Variants in APOL3 observed in about 807,000 individuals in gnomAD.
APOL3 encodes TNF-inducible protein CG12-1.
A neutral mutation model predicts 11.6 loss-of-function variants in APOL3; 14 were observed. The ratio of observed to expected loss-of-function variants is 1.21; its 90% CI spans 0.80 to 1.89. The LOEUF (loss-of-function observed/expected upper bound fraction) is 1.89. APOL3 is among the 40% of genes most tolerant of loss of function. The pLI, the probability that APOL3 is intolerant of heterozygous loss-of-function variation, is 0.00. For missense variants in APOL3, 483 were observed against 492.1 expected (o/e 0.98, Z 0.17); for synonymous variants, 192 against 190.6 (o/e 1.01, Z -0.06).
upstream of APOL3, among the ~76,000 whole-genome samples, chr22:36,161,856 G>A (rs939353122): frequency 9.5e-6 from 1 of 104,784 alleles, no homozygotes; most frequent in Non-Finnish European, 2.1e-5. Flanking sequence ...ACGAGAAAAA[G>A]GTGGGGGGGT....
chr22:36,145,515 T>C (rs771649295), exon 2 of APOL3: 9 of 1,614,078 alleles, frequency 5.6e-6, no homozygotes, highest in Non-Finnish European at 2.5e-6. Context: ...CCAGGCTTCA[T>C]TGTTAGTCAG....
At chr22:36,162,248 C>T (rs1372882528), upstream of APOL3, among the ~76,000 whole-genome samples, 4 of 152,164 alleles carry the variant, frequency 2.6e-5, no homozygotes, top group Admixed American at 2.0e-4. Context: ...TAAGACCCCC[C>T]TAACTGATGA....
chr22:36,161,972 C>T (rs1603476086), upstream of APOL3, among the ~76,000 whole-genome samples: 1 of 152,114 alleles, frequency 6.6e-6, no homozygotes, highest in Non-Finnish European at 1.5e-5. Context: ...CTTCAAGGAG[C>T]CCAGCACCAG....
At chr22:36,157,374 C>T (rs1323627723) in intron 1 of APOL3, among the ~76,000 whole-genome samples, 1 of 152,158 alleles carries the variant, frequency 6.6e-6, no homozygotes, top group African/African-American at 2.4e-5. Flanking sequence ...TCTTGTTCTT[C>T]TTTGTCTGTA....
At chr22:36,148,917 G>T in intron 1 of APOL3, 129 bp downstream of exon 2, 2 of 912,490 alleles carry the variant, frequency 2.2e-6, no homozygotes, top group Non-Finnish European at 3.3e-6. Flanking sequence ...CTCTTTTGGG[G>T]CTCAGGGAAG....
chr22:36,158,006 C>A (rs190116375), intron 1 of APOL3, among the ~76,000 whole-genome samples: 2 of 151,964 alleles, frequency 1.3e-5, no homozygotes, highest in Non-Finnish European at 1.5e-5. Context: ...GCTGAGATTG[C>A]GCCACTGCAC....
At chr22:36,160,555 C>T (rs2013601826) in intron 1 of APOL3, 114 bp downstream of exon 1, 5 of 1,129,256 alleles carry the variant, frequency 4.4e-6, no homozygotes, top group South Asian at 2.8e-5. Flanking sequence ...GAGATGTGAC[C>T]TCAGTCAGTT....
chr22:36,158,547 C>T (rs909242032), intron 1 of APOL3, among the ~76,000 whole-genome samples: 6 of 152,150 alleles, frequency 3.9e-5, no homozygotes, highest in African/African-American at 7.2e-5. Context: ...GCGCCTGGCA[C>T]GGTGGCTCAT....
intron 1 of APOL3, 43 bp from the exon 3 acceptor site, chr22:36,145,642 A>G (rs1569529092): frequency 6.2e-7 from 1 of 1,608,246 alleles, no homozygotes; most frequent in Non-Finnish European, 8.5e-7. Context: ...AAAGTGTGCT[A>G]CAGCCTAAAT....
intron 1 of APOL3, among the ~76,000 whole-genome samples, chr22:36,156,400 T>A (rs1383582378): frequency 6.6e-6 from 1 of 151,960 alleles, no homozygotes; most frequent in East Asian, 1.9e-4. Context: ...AATACCTAGG[T>A]CTCCTGAGGA....
upstream of APOL3, chr22:36,160,985 T>A: frequency 8.6e-7 from 1 of 1,156,454 alleles, no homozygotes; most frequent in Non-Finnish European, 1.2e-6. Context: ...CTCCCATACT[T>A]AGGGTTGGGG....
upstream of APOL3, chr22:36,161,450 A>G: frequency 6.0e-6 from 1 of 165,656 alleles, no homozygotes; most frequent in South Asian, 1.5e-4. Flanking sequence ...AGCATGAGCC[A>G]CCGTTCCAGA....
At chr22:36,164,187 C>G (rs1272908680), upstream of APOL3, among the ~76,000 whole-genome samples, 1 of 152,196 alleles carries the variant, frequency 6.6e-6, no homozygotes, top group Non-Finnish European at 1.5e-5. Context: ...CATCAACGGA[C>G]TGCACAACAT....
At chr22:36,146,146 A>C (rs132631) in intron 1 of APOL3, 135,886 of 152,222 alleles carry the variant, frequency 0.89, 60,943 homozygotes, top group East Asian at 0.99. Flanking sequence ...TCACCTTGGA[A>C]TTTTTGCCTC....
At position 36,158,410 on chromosome 22, in the gene APOL3, C is replaced by T. The variant is rs528234245; in HGVS notation, c.223+2259G>A. 9.2e-5 allele frequency among the ~76,000 whole-genome samples: 14 copies of T among 152,282 alleles called. 1 individual carries two copies. Among genetic ancestry groups the T allele is most frequent in the Admixed American group, 5.2e-4 (8 of 15,300 alleles). On this transcript the variant is annotated intron_variant, in intron 1 of 2. Transcript: ENST00000349314. Reference sequence around the variant, plus strand: ...CTCCAGGGAGCAGAGGGCAAGTGTGCAGGGACAGGGGCTTTAGAGGGTGCC... The same window carrying T: ...CTCCAGGGAGCAGAGGGCAAGTGTGTAGGGACAGGGGCTTTAGAGGGTGCC...
intron 2 of APOL3, among the ~76,000 whole-genome samples, 187 bp downstream of exon 3, chr22:36,145,286 C>T (rs957027562): frequency 7.9e-5 from 12 of 152,200 alleles, no homozygotes; most frequent in Admixed American, 1.3e-4. Flanking sequence ...CTCCCCTCAG[C>T]CTGAGGTCAC....
At chr22:36,146,196 A>T (rs2060213405) in intron 1 of APOL3, 12 of 150,080 alleles carry the variant, frequency 8.0e-5, no homozygotes, top group Admixed American at 7.9e-4. Flanking sequence ...GGAGCCACCC[A>T]GCCTGTGGCG....
chr22:36,143,585 G>C (rs2060079753), intron 2 of APOL3, among the ~76,000 whole-genome samples: 1 of 152,156 alleles, frequency 6.6e-6, no homozygotes, highest in Non-Finnish European at 1.5e-5. Context: ...CTCTTCCAAT[G>C]CCACATGCCC....
At chr22:36,160,059 T>C (rs998964626) in intron 1 of APOL3, among the ~76,000 whole-genome samples, 3 of 152,134 alleles carry the variant, frequency 2.0e-5, no homozygotes, top group Non-Finnish European at 4.4e-5. Context: ...TTTTTTGTAT[T>C]TTTAGTAGAG....
Sources: gnomAD v4.1 joint callset for allele counts (sites outside exome capture counted in the v4.1 genomes callset) on GRCh38, gnomAD v4.1.1 for gene constraint, MANE v1.5 for transcripts, NCBI Gene and HGNC (gene_info 2026-07-23, HGNC 2026-07-21) for gene names.